HNRNPA2B1: variants seen among roughly 807,000 people sequenced by gnomAD.
The protein encoded by HNRNPA2B1 is heterogeneous nuclear ribonucleoprotein A2/B1.
A neutral mutation model predicts 46.3 loss-of-function variants in HNRNPA2B1; 3 were observed. The observed-to-expected ratio is 0.06, with a 90% CI of 0.03 to 0.17. HNRNPA2B1 has a LOEUF of 0.17. Among genes scored for constraint, HNRNPA2B1 ranks in the 10% least tolerant of loss-of-function variants. The pLI, the probability that HNRNPA2B1 is intolerant of heterozygous loss-of-function variation, is 1.00. For missense variants in HNRNPA2B1, 221 were observed against 418.9 expected (o/e 0.53, Z 4.12); for synonymous variants, 225 against 133.8 (o/e 1.68, Z -4.70).
chr7:26,197,848 G>A, intron 1 of HNRNPA2B1, 116 bp from the exon 2 acceptor site: 1 of 1,598,938 alleles, frequency 6.3e-7, no homozygotes, highest in Non-Finnish European at 8.5e-7. Flanking sequence ...CTCTCCAAAG[G>A]AACAGTTTCT....
intron 7 of HNRNPA2B1, chr7:26,195,613 A>G (rs1289248138): frequency 7.9e-6 from 4 of 508,876 alleles, no homozygotes; most frequent in Non-Finnish European, 1.4e-5. Context: ...GCTTGAGAAA[A>G]GATGAGATAC....
Position 26,191,985 on chromosome 7 carries a change from A to T in HNRNPA2B1, c.*375T>A, listed in dbSNP as rs9807. The stretch of plus-strand genomic sequence containing the variant: ...TAATAGCTTTTCAAAACTTTGAGAA[A>T]AATCTTAAAAAAGGTTTCACATGTC... On this transcript the variant is annotated 3_prime_UTR_variant, in exon 11 of 11. Transcript: ENST00000618183. 6.5e-6 allele frequency: 1 copy of T among 152,752 alleles called. No individual in the cohort carries two copies. The highest frequency in any genetic ancestry group is 1.5e-5 in the Non-Finnish European group (1 of 68,112). The allele number at this position is 152,752 out of a possible 1,614,324, so 9.5% of individuals were successfully genotyped here.
At chr7:26,197,948 T>A in intron 1 of HNRNPA2B1, 1 of 729,094 alleles carries the variant, frequency 1.4e-6, no homozygotes, top group Non-Finnish European at 2.0e-6. Context: ...AAAAATTGCC[T>A]CAGCTGATCT....
chr7:26,194,858 G>A (rs1043807991), intron 7 of HNRNPA2B1, among the ~76,000 whole-genome samples: 1 of 151,620 alleles, frequency 6.6e-6, no homozygotes, highest in African/African-American at 2.4e-5. Context: ...GTTTTTGGGA[G>A]GCCAAGGTGG....
chr7:26,200,714 C>T lies in HNRNPA2B1; in HGVS notation c.-137G>A, dbSNP rs1004869873. 1.0e-5 allele frequency: 11 copies of T among 1,091,486 alleles called. No individual in the cohort carries two copies. The highest frequency in any genetic ancestry group is 1.7e-5 in the Admixed American group (1 of 58,382). 67.6% of individuals were successfully genotyped at this position (1,091,486 alleles called of 1,614,324 possible). A position where few individuals can be genotyped will look rare whatever the true frequency, so the allele number is the denominator to read the frequency against. On this transcript the variant is annotated 5_prime_UTR_variant, in exon 1 of 11. Transcript: ENST00000618183. ...GCTCGAGAAACAACTCTGCGAGGAG[C>T]ACCTCCGCACGGGACCCGGCGCTGC... is the stretch of plus-strand genomic sequence containing the variant.
chr7:26,193,506 C>G (rs1783143800), intron 8 of HNRNPA2B1, 69 bp downstream of exon 8: 1 of 1,546,810 alleles, frequency 6.5e-7, no homozygotes, highest in Non-Finnish European at 8.7e-7. Flanking sequence ...AACATGGAAA[C>G]AAAAGATCAA....
intron 9 of HNRNPA2B1, 108 bp downstream of exon 9, chr7:26,193,143 A>C: frequency 9.5e-7 from 1 of 1,053,338 alleles, no homozygotes; most frequent in Non-Finnish European, 1.4e-6. Flanking sequence ...CCGTACATGG[A>C]GCACTGCCCA....
In HNRNPA2B1 at chr7:26,195,890, A is replaced by T; in HGVS notation, c.678T>A (p.Arg226=). Residue 226 remains arginine (R), a synonymous_variant, in exon 7 of 11, where the codon CGT becomes CGA. Coordinates refer to ENST00000618183, the MANE Select transcript of HNRNPA2B1 (RefSeq NM_002137.4). ...ACCCATTATAGCCATCCCCAAATCC[A>T]CGTCCACTGCCATATCCATCTGTTA... ...RGGSDGYGSG[R]GFGDGYNGYG... is the part of the protein sequence containing the mutation. 1 of 1,609,654 alleles carries T rather than the reference A, an allele frequency of 6.2e-7. No individual in the cohort carries two copies. The highest frequency in any genetic ancestry group is 8.5e-7 in the Non-Finnish European group (1 of 1,178,740).
chr7:26,191,386 G>A lies in HNRNPA2B1; in HGVS notation c.*974C>T, dbSNP rs777363470. ...AGAGTATTAGTTTATCTTTTAGGGA[G>A]GAAAATTAAGAAAGGAAAAGTAAAT... is the stretch of plus-strand genomic sequence containing the variant. On this transcript the variant is annotated 3_prime_UTR_variant, in exon 11 of 11. Transcript: ENST00000618183. 6.6e-6 allele frequency: 1 copy of A among 151,980 alleles called. No individual in the cohort carries two copies. Among genetic ancestry groups the A allele is most frequent in the Non-Finnish European group, 1.5e-5 (1 of 67,972 alleles). 9.4% of individuals were successfully genotyped at this position (151,980 alleles called of 1,614,324 possible).
intron 7 of HNRNPA2B1, among the ~76,000 whole-genome samples, chr7:26,195,150 G>A (rs1360807345): frequency 1.4e-5 from 2 of 142,306 alleles, no homozygotes; most frequent in African/African-American, 2.6e-5. Flanking sequence ...TGTGGGCTGA[G>A]TCTCTAACTT....
At chr7:26,198,079 A>G (rs1023255182) in intron 1 of HNRNPA2B1, 2 of 391,824 alleles carry the variant, frequency 5.1e-6, no homozygotes, top group African/African-American at 2.1e-5. Flanking sequence ...CGTGATTATC[A>G]AAGGATTATT....
In HNRNPA2B1 at chr7:26,196,674, C is replaced by G. The variant is rs546524344; in HGVS notation, c.476-16G>C. The G allele has an allele frequency of 4.4e-6, 7 of 1,600,690 alleles. No individual in the cohort carries two copies. In the African/African-American group the frequency reaches 8.1e-5, roughly 18 times the overall value. ...TATTTCTGCACTGGAATGAAAAATT[C>G]AGACTCCTTTTAAATTAAATCAACA... On this transcript the variant is annotated splice_polypyrimidine_tract_variant and intron_variant, in intron 4 of 10. Transcript: ENST00000618183.
chr7:26,193,403 T>C, intron 8 of HNRNPA2B1, 30 bp from the exon 9 acceptor site: 2 of 1,600,486 alleles, frequency 1.2e-6, no homozygotes, highest in South Asian at 1.1e-5. Flanking sequence ...CTCAGAACAA[T>C]ACAAACATTA....
chr7:26,192,668 C>T, intron 9 of HNRNPA2B1, 91 bp from the exon 10 acceptor site: 5 of 1,064,198 alleles, frequency 4.7e-6, no homozygotes, highest in Middle Eastern at 2.0e-4. Context: ...TTATATCCAT[C>T]CAGTCTTTTA....
chr7:26,195,116 C>CAAAAAAAAAAAAAAAAAAAAAAAA (rs1783399450), intron 7 of HNRNPA2B1, among the ~76,000 whole-genome samples: 1 of 127,606 alleles, frequency 7.8e-6, no homozygotes, highest in Non-Finnish European at 1.6e-5. Context: ...AAAAAGAAAC[C>CAAAAAAAAAAAAAAAAAAAAAAAA]ATATTAAAAA....
chr7:26,200,636 C>G lies in HNRNPA2B1; in HGVS notation c.-59G>C. On this transcript the variant is annotated 5_prime_UTR_variant, in exon 1 of 11. Transcript: ENST00000618183. ...AGCCGAGCGAGATGAGAGAGATCTC[C>G]GCGGACGAACACGAACCGGACTCGT... 1 of 1,611,618 alleles carries G rather than the reference C, an allele frequency of 6.2e-7. No homozygotes were observed. Among genetic ancestry groups the G allele is most frequent in the Non-Finnish European group, 8.5e-7 (1 of 1,178,904 alleles).
chr7:26,200,513 G>T, intron 1 of HNRNPA2B1, 59 bp downstream of exon 1: 1 of 1,585,638 alleles, frequency 6.3e-7, no homozygotes, highest in Non-Finnish European at 8.6e-7. Flanking sequence ...GACTTCCACT[G>T]AGGCGCCAAC....
intron 7 of HNRNPA2B1, among the ~76,000 whole-genome samples, chr7:26,195,353 C>G (rs956686589): frequency 5.3e-5 from 8 of 152,152 alleles, no homozygotes; most frequent in Non-Finnish European, 1.2e-4. Context: ...AATGATATAT[C>G]ACACTTCATG....
At position 26,196,789 on chromosome 7, in the gene HNRNPA2B1, T is replaced by C. The variant is rs764410543; in HGVS notation, c.475+18A>G. The stretch of plus-strand genomic sequence containing the variant: ...AATACACTGGAAAAAAACAGTACAT[T>C]TGTGGTTAGACACTTACATACGATT... On this transcript the variant is annotated intron_variant, in intron 4 of 10. Transcript: ENST00000618183. 2.5e-6 allele frequency: 4 copies of C among 1,604,924 alleles called. No homozygotes were observed. The highest frequency in any genetic ancestry group is 3.3e-4 in the Middle Eastern group (2 of 6,052).
Sources: gnomAD v4.1 joint callset for allele counts (sites outside exome capture counted in the v4.1 genomes callset) on GRCh38, gnomAD v4.1.1 for gene constraint, MANE v1.5 for transcripts, NCBI Gene and HGNC (gene_info 2026-07-23, HGNC 2026-07-21) for gene names.